The following ZFPM2 variants were observed in gnomAD, a reference collection of about 807,000 sequenced individuals.
ZFPM2 encodes zinc finger protein, FOG family member 2, also known as zinc finger protein ZFPM2.
Under a neutral mutation model 98.6 loss-of-function variants are expected in ZFPM2, and 20 were observed. That is an observed-to-expected ratio of 0.20 (90% CI 0.14 to 0.29). The LOEUF is 0.29. Ranked by LOEUF, ZFPM2 falls within the 10% of genes least tolerant of loss-of-function variation. ZFPM2 has a pLI of 1.00. For missense variants in ZFPM2, 1,310 were observed against 1,388.6 expected (o/e 0.94, Z 0.90); for synonymous variants, 518 against 502.7 (o/e 1.03, Z -0.41).
intron 3 of ZFPM2, among the ~76,000 whole-genome samples, chr8:105,534,218 TTCTTCCTC>T (rs575971537): frequency 0.029 from 1,630 of 56,462 alleles, 116 homozygotes; most frequent in African/African-American, 0.079. Context: ...CTTCCTTCTT[TTCTTCCTC>T]CCTTCCTCCC....
chr8:105,609,609 C>T lies in ZFPM2; in HGVS notation c.421-24637C>T, dbSNP rs190952069. Among the ~76,000 whole-genome samples the T allele has an allele frequency of 3.1e-3, 470 of 152,300 alleles. 2 individuals are homozygous for T. Among genetic ancestry groups the T allele is most frequent in the Middle Eastern group, 6.8e-3 (2 of 294 alleles). ...GTGCGTTCTTATATCACTGCCCCGC[C>T]TTGCGTTGAATTCCCTTTTTGGTTT... On this transcript the variant is annotated intron_variant, in intron 4 of 7. Transcript: ENST00000407775.
intron 1 of ZFPM2, among the ~76,000 whole-genome samples, chr8:105,354,153 G>A (rs1387082457): frequency 2.6e-5 from 4 of 152,156 alleles, no homozygotes; most frequent in Non-Finnish European, 4.4e-5. Flanking sequence ...TATGTTAAAC[G>A]GAAATCTATA....
intron 1 of ZFPM2, among the ~76,000 whole-genome samples, chr8:105,324,258 A>G (rs752915860): frequency 1.4e-4 from 21 of 151,798 alleles, no homozygotes; most frequent in Non-Finnish European, 2.4e-4. Flanking sequence ...GATTATATCA[A>G]TTGTCTAGCC....
chr8:105,418,499 G>A (rs1811726651), intron 1 of ZFPM2: 3 of 508,696 alleles, frequency 5.9e-6, no homozygotes, highest in South Asian at 2.9e-5. Flanking sequence ...TACTGAAAAA[G>A]TATCACATAA....
chr8:105,644,712 T>C (rs1289773700), intron 5 of ZFPM2, among the ~76,000 whole-genome samples: 3 of 152,174 alleles, frequency 2.0e-5, no homozygotes, highest in Non-Finnish European at 4.4e-5. Context: ...ATGCTGGCAG[T>C]TTCACACTTG....
rs547145318 is a variant in ZFPM2 at position 105,516,616 on chromosome 8, C to T, written c.302-44747C>T. On this transcript the variant is annotated intron_variant, in intron 3 of 7. Coordinates refer to ENST00000407775, the MANE Select transcript of ZFPM2 (RefSeq NM_012082.4). ...ATGTCTCAGTCTGTCCTTAAGGTGG[C>T]CATGTATTCGGATGTTTATAATGAT... Among the ~76,000 whole-genome samples, 289 of 152,132 alleles carry T rather than the reference C, an allele frequency of 1.9e-3. 3 individuals are homozygous for T. The highest frequency in any genetic ancestry group is 2.7e-3 in the Non-Finnish European group (186 of 68,018).
At chr8:105,548,646 A>C (rs13276549) in intron 3 of ZFPM2, among the ~76,000 whole-genome samples, 17,260 of 152,034 alleles carry the variant, frequency 0.11, 1,107 homozygotes, top group South Asian at 0.17. Context: ...ATTCTTTCTG[A>C]TTTCTTAAAG....
At chr8:105,374,004 AGG>A (rs1403930528) in intron 1 of ZFPM2, among the ~76,000 whole-genome samples, 1 of 152,198 alleles carries the variant, frequency 6.6e-6, no homozygotes, top group East Asian at 1.9e-4. Context: ...AAAAAATAAA[AGG>A]TTGTTCAAGT....
In ZFPM2 at chr8:105,612,193, C is replaced by T. The variant is rs1465029575; in HGVS notation, c.421-22053C>T. On this transcript the variant is annotated intron_variant, in intron 4 of 7. Coordinates refer to ENST00000407775, the MANE Select transcript of ZFPM2 (RefSeq NM_012082.4). ...AAAATCCAATAGGTTCAAAATTTCC[C>T]AGGGATTTATAAACTACCATTTGAG... is the stretch of plus-strand genomic sequence containing the variant. Among the ~76,000 whole-genome samples, 3 of 152,066 alleles carry T rather than the reference C, an allele frequency of 2.0e-5. No homozygotes were observed. In the East Asian group the frequency reaches 5.8e-4, roughly 29 times the overall value.
At chr8:105,614,351 G>C (rs1464821623) in intron 4 of ZFPM2, among the ~76,000 whole-genome samples, 1 of 151,970 alleles carries the variant, frequency 6.6e-6, no homozygotes, top group Admixed American at 6.6e-5. Context: ...AATCAATACT[G>C]ATTCATCAGT....
intron 5 of ZFPM2, among the ~76,000 whole-genome samples, chr8:105,667,895 T>C (rs1299581072): frequency 6.6e-6 from 1 of 152,338 alleles, no homozygotes; most frequent in Non-Finnish European, 1.5e-5. Context: ...TTGATTTCTA[T>C]TGTGATACAC....
At chr8:105,769,340 T>C (rs1812931478) in intron 5 of ZFPM2, among the ~76,000 whole-genome samples, 1 of 152,036 alleles carries the variant, frequency 6.6e-6, no homozygotes, top group African/African-American at 2.4e-5. Flanking sequence ...TCCACCGTTT[T>C]CCTTTGATTG....
chr8:105,674,353 G>A (rs975542320), intron 5 of ZFPM2, among the ~76,000 whole-genome samples: 1 of 152,168 alleles, frequency 6.6e-6, no homozygotes, highest in Admixed American at 6.5e-5. Flanking sequence ...ACTGGGAAGA[G>A]CATTGAAATA....
intron 4 of ZFPM2, among the ~76,000 whole-genome samples, chr8:105,616,377 T>C (rs150300069): frequency 1.8e-3 from 269 of 152,262 alleles, no homozygotes; most frequent in African/African-American, 6.2e-3. Context: ...TGGTAAAGTT[T>C]TCTCCCCAGG....
intron 5 of ZFPM2, among the ~76,000 whole-genome samples, chr8:105,699,945 A>C (rs1811104475): frequency 6.6e-6 from 1 of 152,234 alleles, no homozygotes; most frequent in African/African-American, 2.4e-5. Flanking sequence ...ACTCAGAATT[A>C]TTATTGAAAA....
At chr8:105,486,655 T>C (rs1813236053) in intron 3 of ZFPM2, among the ~76,000 whole-genome samples, 1 of 152,194 alleles carries the variant, frequency 6.6e-6, no homozygotes, top group South Asian at 2.1e-4. Flanking sequence ...AAATGATTTT[T>C]TTAACTGAAT....
At chr8:105,793,153 G>T (rs139331424) in intron 6 of ZFPM2, among the ~76,000 whole-genome samples, 3 of 151,670 alleles carry the variant, frequency 2.0e-5, no homozygotes, top group Admixed American at 2.0e-4. Context: ...TATTTTGCTC[G>T]TTAGTTGATG....
chr8:105,509,851 G>A (rs571173389), intron 3 of ZFPM2, among the ~76,000 whole-genome samples: 33 of 152,138 alleles, frequency 2.2e-4, no homozygotes, highest in Admixed American at 1.3e-4. Context: ...GCTATTTTGT[G>A]GTAAATTTTT....
chr8:105,533,488 A>G (rs185708870), intron 3 of ZFPM2, among the ~76,000 whole-genome samples: 2 of 152,320 alleles, frequency 1.3e-5, no homozygotes, highest in Admixed American at 1.3e-4. Context: ...CTGGAAGAGT[A>G]CTATATAAAG....
Sources: gnomAD v4.1 joint callset for allele counts (sites outside exome capture counted in the v4.1 genomes callset) on GRCh38, gnomAD v4.1.1 for gene constraint, MANE v1.5 for transcripts, NCBI Gene and HGNC (gene_info 2026-07-23, HGNC 2026-07-21) for gene names.